The following SEZ6L2 variants were observed in gnomAD, a reference collection of about 807,000 sequenced individuals.
SEZ6L2 encodes seizure related 6 homolog like 2.
A neutral mutation model predicts 97.0 loss-of-function variants in SEZ6L2; 44 were observed. The observed-to-expected ratio is 0.45, with a 90% CI of 0.36 to 0.58. The LOEUF is 0.58. Ranked by LOEUF, SEZ6L2 falls within the 20% of genes least tolerant of loss-of-function variation. The pLI, the probability that SEZ6L2 is intolerant of heterozygous loss-of-function variation, is 0.00. For synonymous variants in SEZ6L2, 543 were observed against 546.1 expected, an observed-to-expected ratio of 0.99 and a Z score of 0.08; for missense variants, 1,086 against 1,233.3, an observed-to-expected ratio of 0.88 and a Z score of 1.79.
chr16:29,872,734 T>A lies in SEZ6L2; in HGVS notation c.2498A>T (p.Glu833Val), dbSNP rs1473652175. The change falls in exon 15 of 18, where the codon GAG (glutamate) becomes GTG (valine). Residue 833 changes from glutamate to valine, a missense_variant. Around this residue, in one of 2 missense-constraint regions of SEZ6L2, gnomAD observed 310 missense variants for 438.6 expected, o/e 0.71. Transcript: ENST00000617533. Reference sequence around the variant, plus strand: ...CAGTTTTCGGTTGTCCAGGAGCTCCTCATAGGCAACTGCAGGGAGAGGAGG... The same window carrying A: ...CAGTTTTCGGTTGTCCAGGAGCTCCACATAGGCAACTGCAGGGAGAGGAGG... ...SQPPLCKVAYEELLDNRKLEV... is the reference protein window; with the variant it reads ...SQPPLCKVAYVELLDNRKLEV... 6.2e-7 allele frequency: 1 copy of A among 1,609,346 alleles called. No homozygotes were observed. Among genetic ancestry groups the A allele is most frequent in the Non-Finnish European group, 8.5e-7 (1 of 1,177,938 alleles).
chr16:29,872,077 G>A (rs967796937), intron 17 of SEZ6L2, 110 bp downstream of exon 17: 19 of 867,022 alleles, frequency 2.2e-5, no homozygotes, highest in African/African-American at 3.4e-5. Context: ...GCCTCTGGGG[G>A]CAGCTGAGTT....
In SEZ6L2 at chr16:29,876,335, G is replaced by A. The variant is rs2067902507; in HGVS notation, c.2104+421C>T. 6.6e-6 allele frequency among the ~76,000 whole-genome samples: 1 copy of A among 152,180 alleles called. No individual in the cohort carries two copies. Among genetic ancestry groups the A allele is most frequent in the South Asian group, 2.1e-4 (1 of 4,832 alleles). On this transcript the variant is annotated intron_variant, in intron 12 of 17. Coordinates refer to ENST00000617533, the MANE Select transcript of SEZ6L2 (RefSeq NM_001243332.2). The surrounding 1 kb of genome is among the most constrained non-coding windows in gnomAD (Gnocchi z 6.5). The stretch of plus-strand genomic sequence containing the variant: ...GGCTCCCTACAATTTCAACTGATAG[G>A]ACTGCGGGATTGGGGCGGGGCGTAG...
Position 29,887,769 on chromosome 16 carries a change from G to A in SEZ6L2, c.1088C>T (p.Ser363Phe), listed in dbSNP as rs773841470. 6.2e-6 allele frequency: 10 copies of A among 1,613,834 alleles called. No homozygotes were observed. The highest frequency in any genetic ancestry group is 8.5e-6 in the Non-Finnish European group (10 of 1,179,962). The change falls in exon 7 of 18, where the codon TCC becomes TTC. Residue 363 changes from serine (S) to phenylalanine (F), a missense_variant. Physicochemically the swap from Ser to Phe is radical, Grantham distance 155. Transcript: ENST00000617533. Reference sequence around the variant, plus strand: ...CCCTACGGCTCCCCCAGGCTCTGGGGACACGATGCGGCCCAGGGTGGCATT... The same window carrying A: ...CCCTACGGCTCCCCCAGGCTCTGGGAACACGATGCGGCCCAGGGTGGCATT... ...IHNATLGRIVSPEPGGAVGPN... is the reference protein window; with the variant it reads ...IHNATLGRIVFPEPGGAVGPN...
Position 29,876,963 on chromosome 16 carries a change from GA to G in SEZ6L2, c.1910-14del, listed in dbSNP as rs1356248332. On this transcript the variant is annotated splice_polypyrimidine_tract_variant and intron_variant, in intron 11 of 17. Coordinates refer to ENST00000617533, the MANE Select transcript of SEZ6L2 (RefSeq NM_001243332.2). This position sits in a 1 kb window ranked among gnomAD's most constrained non-coding sequence, Gnocchi z 6.5. ...TTCCTCGGGACCTCTGCAGGGGAGG[GA>G]AGGCGAGTTTGGAGGCTGCGTTTTA... 1 of 1,586,900 alleles carries G rather than the reference GA, an allele frequency of 6.3e-7. No homozygotes were observed. The highest frequency in any genetic ancestry group is 8.6e-7 in the Non-Finnish European group (1 of 1,161,550).
chr16:29,880,067 G>A lies in SEZ6L2; in HGVS notation c.1373-3C>T. Reference sequence around the variant, plus strand: ...GAAGCAGCGATCCTCCTCAAAGGCTGGGAAGGAGTCAGTCATAACAATTAA... The same window carrying A: ...GAAGCAGCGATCCTCCTCAAAGGCTAGGAAGGAGTCAGTCATAACAATTAA... On this transcript the variant is annotated splice_polypyrimidine_tract_variant and splice_region_variant and intron_variant, in intron 8 of 17. Coordinates refer to ENST00000617533, the MANE Select transcript of SEZ6L2 (RefSeq NM_001243332.2). The A allele has an allele frequency of 6.2e-7, 1 of 1,613,936 alleles. No individual in the cohort carries two copies. The highest frequency in any genetic ancestry group is 1.1e-5 in the South Asian group (1 of 91,068).
Position 29,876,925 on chromosome 16 carries a change from G to A in SEZ6L2, c.1935C>T (p.Pro645=). The A allele has an allele frequency of 6.2e-7, 1 of 1,610,084 alleles. No homozygotes were observed. Among genetic ancestry groups the A allele is most frequent in the South Asian group, 1.1e-5 (1 of 90,982 alleles). ...AGCCCCACTCCGGAGGTGGCAGCTC[G>A]GGGCACGTGTCGTTCCTCGGGACCT... The part of the protein sequence containing the change: ...FKEVPRNDTC[P]ELPPPEWGWR... Residue 645 remains proline (P), a synonymous_variant, in exon 12 of 18, where the codon CCC becomes CCT. Coordinates refer to ENST00000617533, the MANE Select transcript of SEZ6L2 (RefSeq NM_001243332.2). This position sits in a 1 kb window ranked among gnomAD's most constrained non-coding sequence, Gnocchi z 6.5.
intron 5 of SEZ6L2, among the ~76,000 whole-genome samples, chr16:29,891,005 G>A (rs539417635): frequency 8.6e-5 from 13 of 151,858 alleles, no homozygotes; most frequent in Non-Finnish European, 1.3e-4. Flanking sequence ...GCAGTGACAC[G>A]ATCTTGGCTC....
chr16:29,885,672 C>A lies in SEZ6L2; in HGVS notation c.1286G>T (p.Gly429Val). ...GAGGGACTGGGCGTCACTGATGAGA[C>A]CCCGCTCGGGGACATCGTCCATGTC... is the stretch of plus-strand genomic sequence containing the variant. Reference protein sequence around the residue: ...DSDMDDVPERGLISDAQSLYV... With the variant: ...DSDMDDVPERVLISDAQSLYV... The change falls in exon 8 of 18, where the codon GGT becomes GTT. Residue 429 changes from glycine to valine, a missense_variant. Physicochemically the swap from Gly to Val is moderately radical, Grantham distance 109 (BLOSUM62 -3). Around this residue, in one of 2 missense-constraint regions of SEZ6L2, gnomAD observed 776 missense variants for 794.7 expected, o/e 0.98. Transcript: ENST00000617533. 3 of 1,614,026 alleles carry A rather than the reference C, an allele frequency of 1.9e-6. No homozygotes were observed. The highest frequency in any genetic ancestry group is 1.3e-5 in the African/African-American group (1 of 75,004).
Position 29,872,872 on chromosome 16 carries a change from T to C in SEZ6L2, c.2489-129A>G. On this transcript the variant is annotated intron_variant, in intron 14 of 17. Coordinates refer to ENST00000617533, the MANE Select transcript of SEZ6L2 (RefSeq NM_001243332.2). ...TCTGCCCTCTGCTCAACCTCAACTT[T>C]CTCCCTTTGTGGGGAAGAGAGAGGA... 1.4e-5 allele frequency: 10 copies of C among 737,504 alleles called. No homozygotes were observed. In the South Asian group the frequency reaches 1.8e-4, roughly 13 times the overall value. 45.7% of individuals were successfully genotyped at this position (737,504 alleles called of 1,614,324 possible).
intron 1 of SEZ6L2, among the ~76,000 whole-genome samples, chr16:29,898,636 A>T (rs2068460595): frequency 6.6e-6 from 1 of 151,558 alleles, no homozygotes; most frequent in Admixed American, 6.6e-5. Flanking sequence ...TCCATCTCCC[A>T]CCCAGGTCCC....
chr16:29,880,007 G>A lies in SEZ6L2; in HGVS notation c.1430C>T (p.Thr477Met), dbSNP rs897489712. The A allele has an allele frequency of 3.7e-6, 6 of 1,614,188 alleles. No individual in the cohort carries two copies. Among genetic ancestry groups the A allele is most frequent in the Non-Finnish European group, 5.1e-6 (6 of 1,180,032 alleles). The change falls in exon 9 of 18, where the codon ACG becomes ATG. Residue 477 changes from threonine to methionine, a missense_variant. This residue lies in a region of SEZ6L2 where 776 missense variants were observed against 794.7 expected (regional missense o/e 0.98). Coordinates refer to ENST00000617533, the MANE Select transcript of SEZ6L2 (RefSeq NM_001243332.2). ...PFLAHGNVTT[T>M]DPEYRPGALA... is the part of the protein sequence containing the mutation. ...TGCCCCTGGGCGATACTCAGGGTCC[G>A]TGGTAGTGACATTTCCATGTGCCAG...
chr16:29,887,768 G>C lies in SEZ6L2; in HGVS notation c.1089C>G (p.Ser363=), dbSNP rs770293673. The C allele has an allele frequency of 6.5e-5, 105 of 1,613,804 alleles. No homozygotes were observed. Among genetic ancestry groups the C allele is most frequent in the Non-Finnish European group, 8.1e-5 (96 of 1,179,958 alleles). ...IHNATLGRIV[S]PEPGGAVGPN... The stretch of plus-strand genomic sequence containing the variant: ...GCCCTACGGCTCCCCCAGGCTCTGG[G>C]GACACGATGCGGCCCAGGGTGGCAT... Residue 363 remains serine (S), a synonymous_variant, in exon 7 of 18, where the codon TCC becomes TCG. Transcript: ENST00000617533.
chr16:29,872,809 G>T, intron 14 of SEZ6L2, 66 bp from the exon 15 acceptor site: 1 of 1,361,672 alleles, frequency 7.3e-7, no homozygotes, highest in Non-Finnish European at 1.0e-6. Flanking sequence ...GGGAGGGGCC[G>T]GGAGCCCGGT....
At position 29,888,712 on chromosome 16, in the gene SEZ6L2, G is replaced by A. The variant is rs1467683876; in HGVS notation, c.867C>T (p.Ser289=). The A allele has an allele frequency of 1.9e-6, 3 of 1,612,710 alleles. No individual in the cohort carries two copies. The African/African-American group carries it at 4.0e-5, about 21-fold the overall frequency. ...FRIHYQAYLL[S]CGFPPRPAHG... ...GGGCCGGCCGGGGAGGGAAGCCACA[G>A]CTCAGGAGGTAGGCTGCACCAGACA... Residue 289 remains serine, a synonymous_variant, in exon 6 of 18, where the codon AGC becomes AGT. Transcript: ENST00000617533.
At chr16:29,874,550 GTTTTTTTTT>G (rs541095994) in intron 12 of SEZ6L2, among the ~76,000 whole-genome samples, 1,073 of 32,576 alleles carry the variant, frequency 0.033, 114 homozygotes, top group African/African-American at 0.082. Flanking sequence ...GTGTGTGCTT[GTTTTTTTTT>G]TTTTTTTTTT....
chr16:29,881,234 G>A (rs2068023596), intron 8 of SEZ6L2, among the ~76,000 whole-genome samples: 2 of 152,224 alleles, frequency 1.3e-5, no homozygotes, highest in East Asian at 1.9e-4. Context: ...TCTACAGAGC[G>A]GAGGTCCATA....
chr16:29,885,459 G>T, intron 8 of SEZ6L2, 127 bp downstream of exon 8: 1 of 999,534 alleles, frequency 1.0e-6, no homozygotes, highest in Non-Finnish European at 1.5e-6. Context: ...GCAGGGAAGC[G>T]AGTCACGTTT....
Position 29,895,279 on chromosome 16 carries a change from C to G in SEZ6L2, c.833G>C (p.Gly278Ala), listed in dbSNP as rs2068358049. Residue 278 changes from glycine (G) to alanine (A), a missense_variant, in exon 5 of 18, where the codon GGC becomes GCC. Transcript: ENST00000617533. Reference protein sequence around the residue: ...FQSPRVPRGGGFRIHYQAYLL... With the variant: ...FQSPRVPRGGAFRIHYQAYLL... ...CTCACCCTGATAGTGGATCCTGAAGCCACCGCCCCTTGGGACCCGTGGGCT... is the reference window on the plus strand; with the variant it reads ...CTCACCCTGATAGTGGATCCTGAAGGCACCGCCCCTTGGGACCCGTGGGCT... The G allele has an allele frequency of 9.3e-6, 15 of 1,614,026 alleles. No homozygotes were observed. Among genetic ancestry groups the G allele is most frequent in the Non-Finnish European group, 1.3e-5 (15 of 1,180,020 alleles).
chr16:29,879,515 G>A (rs1282790208), intron 9 of SEZ6L2, among the ~76,000 whole-genome samples: 7 of 152,122 alleles, frequency 4.6e-5, no homozygotes, highest in African/African-American at 1.7e-4. Context: ...GTGAGCCACC[G>A]TGCCCAGCCA....
Sources: gnomAD v4.1 joint callset for allele counts (sites outside exome capture counted in the v4.1 genomes callset) on GRCh38, gnomAD v4.1.1 for gene constraint, gnomAD v4.1.1 regional missense constraint, Gnocchi (gnomAD v3.1) non-coding constraint, MANE v1.5 for transcripts, NCBI Gene and HGNC (gene_info 2026-07-23, HGNC 2026-07-21) for gene names.